FAM169A: variants seen among roughly 807,000 people sequenced by gnomAD.
The protein encoded by FAM169A is soluble lamin-associated protein of 75 kDa.
Under a neutral mutation model 75.7 loss-of-function variants are expected in FAM169A, and 24 were observed. That is an observed-to-expected ratio of 0.32 (90% CI 0.23 to 0.45). The LOEUF (loss-of-function observed/expected upper bound fraction) is 0.45. Ranked by LOEUF, FAM169A falls within the 20% of genes least tolerant of loss-of-function variation. The pLI is 1.00. For missense variants in FAM169A, 673 were observed against 784.0 expected (o/e 0.86, Z 1.69); for synonymous variants, 271 against 271.0 (o/e 1.00, Z 0.00).
At chr5:74,866,542 G>A, upstream of FAM169A, 1 of 537,924 alleles carries the variant, frequency 1.9e-6, no homozygotes, top group Non-Finnish European at 2.4e-6. Context: ...CGGCAGGTGC[G>A]GGCTTGGCCA....
intron 5 of FAM169A, among the ~76,000 whole-genome samples, chr5:74,817,065 G>T (rs1399838144): frequency 6.6e-6 from 1 of 151,924 alleles, no homozygotes; most frequent in East Asian, 1.9e-4. Flanking sequence ...CTAATACAGG[G>T]CATCTACAAA....
At chr5:74,847,600 G>A (rs2112698611) in intron 1 of FAM169A, among the ~76,000 whole-genome samples, 1 of 152,180 alleles carries the variant, frequency 6.6e-6, no homozygotes, top group African/African-American at 2.4e-5. Context: ...TTCCTAATCA[G>A]CATTAAATTT....
At chr5:74,843,231 G>C (rs756337518) in intron 1 of FAM169A, among the ~76,000 whole-genome samples, 4 of 152,094 alleles carry the variant, frequency 2.6e-5, no homozygotes, top group Non-Finnish European at 5.9e-5. Flanking sequence ...CAAGACAAAA[G>C]AGAAACCATG....
intron 6 of FAM169A, among the ~76,000 whole-genome samples, chr5:74,812,436 C>T (rs1443932127): frequency 1.3e-5 from 2 of 151,460 alleles, no homozygotes; most frequent in Non-Finnish European, 2.9e-5. Flanking sequence ...CAATGCCTTA[C>T]TTTTTAAACT....
At chr5:74,786,180 G>T (rs1047542740) in intron 11 of FAM169A, among the ~76,000 whole-genome samples, 2 of 152,122 alleles carry the variant, frequency 1.3e-5, no homozygotes, top group African/African-American at 4.8e-5. Flanking sequence ...GACTCAGACT[G>T]GCTTCCTTGC....
intron 10 of FAM169A, among the ~76,000 whole-genome samples, chr5:74,797,333 C>T (rs1160947667): frequency 4.6e-5 from 7 of 152,088 alleles, no homozygotes; most frequent in Non-Finnish European, 8.8e-5. Flanking sequence ...TGTGCCACCA[C>T]GCCCGGCTAA....
chr5:74,860,606 AGG>A (rs1334880011), intron 1 of FAM169A, among the ~76,000 whole-genome samples: 3 of 152,170 alleles, frequency 2.0e-5, no homozygotes, highest in Admixed American at 6.5e-5. Flanking sequence ...AGAGGGATCT[AGG>A]CCAATAATAC....
chr5:74,814,012 T>C lies in FAM169A; in HGVS notation c.498A>G (p.Ile166Met). 6.4e-7 allele frequency: 1 copy of C among 1,564,242 alleles called. No individual in the cohort carries two copies. The highest frequency in any genetic ancestry group is 1.7e-4 in the Middle Eastern group (1 of 5,846). ...GFYSVKPTGS[I>M]CASFLTQSYQ... ...AACTTTGGGTAAGAAAAGAGGCACATATGCTTCCTGCAGTAATAAGAACAG... is the reference window on the plus strand; with the variant it reads ...AACTTTGGGTAAGAAAAGAGGCACACATGCTTCCTGCAGTAATAAGAACAG... Residue 166 changes from isoleucine (I) to methionine (M), a missense_variant, in exon 6 of 13, where the codon ATA (isoleucine) becomes ATG (methionine). Transcript: ENST00000687041.
Position 74,779,145 on chromosome 5 carries a change from T to G in FAM169A, c.*2315A>C, listed in dbSNP as rs1745280934. 1.3e-5 allele frequency: 2 copies of G among 152,110 alleles called. No individual in the cohort carries two copies. The highest frequency in any genetic ancestry group is 2.4e-5 in the African/African-American group (1 of 41,440). The allele number at this position is 152,110 out of a possible 1,614,324, so 9.4% of individuals were successfully genotyped here. A position where few individuals can be genotyped will look rare whatever the true frequency, so the allele number is the denominator to read the frequency against. On this transcript the variant is annotated 3_prime_UTR_variant, in exon 13 of 13. Coordinates refer to ENST00000687041, the MANE Select transcript of FAM169A (RefSeq NM_001376049.1). ...AAATTGTTTACAATTCACTTACTAT[T>G]TAACCCAAACAAGTTTAACAAGAAT...
intron 10 of FAM169A, among the ~76,000 whole-genome samples, 155 bp downstream of exon 10, chr5:74,800,725 T>C (rs1255646778): frequency 6.6e-6 from 1 of 150,448 alleles, no homozygotes; most frequent in Non-Finnish European, 1.5e-5. Context: ...TACCAAAAAG[T>C]ATATTAAAAG....
At chr5:74,866,102 G>GGCCCGGCGCGGC (rs1426247153) in intron 1 of FAM169A, 63 bp downstream of exon 1, 27 of 834,738 alleles carry the variant, frequency 3.2e-5, no homozygotes, top group Middle Eastern at 6.0e-4. Context: ...GGGGGCGCGG[G>GGCCCGGCGCGGC]GCCCGGCGCG....
At chr5:74,824,669 A>G (rs553681182) in intron 5 of FAM169A, among the ~76,000 whole-genome samples, 2 of 150,532 alleles carry the variant, frequency 1.3e-5, no homozygotes, top group South Asian at 4.2e-4. Context: ...TAAGAAAAAA[A>G]AAAAGCAGCT....
intron 1 of FAM169A, among the ~76,000 whole-genome samples, chr5:74,861,820 T>C (rs893444574): frequency 3.3e-5 from 5 of 152,184 alleles, no homozygotes; most frequent in African/African-American, 1.2e-4. Flanking sequence ...ATTAACAAAA[T>C]TGGGTGATAT....
At chr5:74,837,493 T>C (rs1384300561) in intron 4 of FAM169A, among the ~76,000 whole-genome samples, 2 of 152,184 alleles carry the variant, frequency 1.3e-5, no homozygotes, top group African/African-American at 2.4e-5. Context: ...AAGTGCATTA[T>C]TCTCTTATCC....
chr5:74,779,708 C>T lies in FAM169A; in HGVS notation c.*1752G>A, dbSNP rs1177210889. ...TTTCATTTAGAATGAAATAATCTGG[C>T]TTACCTTTGACTAATTAAAGAAAAT... On this transcript the variant is annotated 3_prime_UTR_variant, in exon 13 of 13. Coordinates refer to ENST00000687041, the MANE Select transcript of FAM169A (RefSeq NM_001376049.1). 3 of 151,830 alleles carry T rather than the reference C, an allele frequency of 2.0e-5. No homozygotes were observed. Among genetic ancestry groups the T allele is most frequent in the Non-Finnish European group, 4.4e-5 (3 of 67,948 alleles). The allele number at this position is 151,830 out of a possible 1,614,324, so 9.4% of individuals were successfully genotyped here.
chr5:74,838,918 G>T, intron 4 of FAM169A, 47 bp downstream of exon 4: 1 of 1,307,822 alleles, frequency 7.6e-7, no homozygotes. Context: ...AGGAAACACT[G>T]TGAAATGGCC....
At chr5:74,782,231 T>C (rs1044258291) in intron 12 of FAM169A, among the ~76,000 whole-genome samples, 2 of 152,190 alleles carry the variant, frequency 1.3e-5, no homozygotes, top group Non-Finnish European at 2.9e-5. Context: ...TACTAAGTTA[T>C]TACTTTGAGG....
At chr5:74,813,061 C>T (rs865893117) in intron 6 of FAM169A, among the ~76,000 whole-genome samples, 60 of 152,142 alleles carry the variant, frequency 3.9e-4, no homozygotes, top group African/African-American at 1.4e-3. Context: ...AGAAGCCAGA[C>T]ACAAAAAGCC....
rs1261805192 is a variant in FAM169A, at chr5:74,798,038, GTCTTCTCTCCCAGCTC to G, written c.1104-1868_1104-1853del. On this transcript the variant is annotated intron_variant, in intron 10 of 12. Transcript: ENST00000687041. Reference sequence around the variant, plus strand: ...AGTTGGTGGACCTTTACACTAGAAAGTCTTCTCTCCCAGCTCTGCTTGTTGAGTTTCTACTTATCTT... The same window carrying G: ...AGTTGGTGGACCTTTACACTAGAAAGTGCTTGTTGAGTTTCTACTTATCTT... Among the ~76,000 whole-genome samples the G allele has an allele frequency of 5.9e-5, 9 of 152,330 alleles. 1 individual carries two copies. Among genetic ancestry groups the G allele is most frequent in the Non-Finnish European group, 7.3e-5 (5 of 68,030 alleles).
Sources: allele counts gnomAD v4.1 joint callset (sites outside exome capture counted in the v4.1 genomes callset), GRCh38; gene constraint gnomAD v4.1.1; transcripts MANE v1.5; gene names NCBI Gene and HGNC (gene_info 2026-07-23, HGNC 2026-07-21).